The following IQCH variants were observed in gnomAD, a reference collection of about 807,000 sequenced individuals.
The protein encoded by IQCH is IQ motif containing H.
In IQCH, 98 loss-of-function variants were observed where a neutral mutation model predicts 117.0. That is an observed-to-expected ratio of 0.84 (90% CI 0.71 to 0.99). The LOEUF is 0.99. IQCH is among the 50% of genes least tolerant of loss of function. IQCH has a pLI of 0.00. For synonymous variants in IQCH, 412 were observed against 448.2 expected (o/e 0.92, Z 1.02); for missense variants, 1,102 against 1,243.8 (o/e 0.89, Z 1.72).
chr15:67,441,338 T>A (rs2082267280), intron 16 of IQCH, among the ~76,000 whole-genome samples: 1 of 151,858 alleles, frequency 6.6e-6, no homozygotes, highest in Non-Finnish European at 1.5e-5. Flanking sequence ...TTCAATGCAA[T>A]CCCCATCAAA....
At chr15:67,421,994 G>A (rs2081759202) in intron 16 of IQCH, among the ~76,000 whole-genome samples, 1 of 152,036 alleles carries the variant, frequency 6.6e-6, no homozygotes, top group Non-Finnish European at 1.5e-5. Flanking sequence ...AGCTACTTGG[G>A]AGGCTGAGGC....
At chr15:67,398,927 TTG>T (rs954438468) in intron 13 of IQCH, among the ~76,000 whole-genome samples, 25 of 152,296 alleles carry the variant, frequency 1.6e-4, no homozygotes, top group African/African-American at 6.0e-4. Flanking sequence ...AAAAATCGTT[TTG>T]TGAGTTAATG....
In IQCH at chr15:67,422,380, G is replaced by A. The variant is rs75463836; in HGVS notation, c.2505+803G>A. On this transcript the variant is annotated intron_variant, in intron 16 of 20. Transcript: ENST00000335894. The surrounding 1 kb of genome is among the most constrained non-coding windows in gnomAD (Gnocchi z 4.7). ...AGAGATACCTCATAAATATAAAAAG[G>A]TCTAAATAATAATATAATCAATATC... Among the ~76,000 whole-genome samples the A allele has an allele frequency of 0.044, 6,753 of 152,032 alleles. 256 individuals are homozygous for A. Among genetic ancestry groups the A allele is most frequent in the South Asian group, 0.17 (818 of 4,810 alleles).
chr15:67,480,684 G>A (rs2083317083), intron 18 of IQCH, among the ~76,000 whole-genome samples: 1 of 152,270 alleles, frequency 6.6e-6, no homozygotes, highest in Admixed American at 6.5e-5. Flanking sequence ...ACTATTAACG[G>A]AAAGCAGAAG....
Position 67,369,502 on chromosome 15 carries a change from A to G in IQCH, c.754-2609A>G, listed in dbSNP as rs369409521. Among the ~76,000 whole-genome samples the G allele has an allele frequency of 1.4e-5, 2 of 144,924 alleles. No individual in the cohort carries two copies. Among genetic ancestry groups the G allele is most frequent in the Non-Finnish European group, 1.5e-5 (1 of 64,798 alleles). ...GAGAGGAAGGAAGAGAAAAAGAAAAAAGAGAAAGAAGAGAGGGAAGGGGAA... is the reference window on the plus strand; with the variant it reads ...GAGAGGAAGGAAGAGAAAAAGAAAAGAGAGAAAGAAGAGAGGGAAGGGGAA... On this transcript the variant is annotated intron_variant, in intron 8 of 20. Coordinates refer to ENST00000335894, the MANE Select transcript of IQCH (RefSeq NM_001031715.3). The surrounding 1 kb of genome is among the most constrained non-coding windows in gnomAD (Gnocchi z 5.2).
chr15:67,396,051 T>G (rs1284309648), intron 13 of IQCH, among the ~76,000 whole-genome samples: 3 of 152,214 alleles, frequency 2.0e-5, no homozygotes, highest in East Asian at 1.9e-4. Context: ...TCCAAACTAT[T>G]TACTCATTTG....
At chr15:67,328,225 G>A (rs1348362836) in intron 4 of IQCH, among the ~76,000 whole-genome samples, 1 of 151,832 alleles carries the variant, frequency 6.6e-6, no homozygotes, top group Admixed American at 6.6e-5. Flanking sequence ...TCTTTTATAA[G>A]CTGCTCCACC....
At chr15:67,326,923 G>A (rs542121734) in intron 4 of IQCH, among the ~76,000 whole-genome samples, 3 of 152,038 alleles carry the variant, frequency 2.0e-5, no homozygotes, top group African/African-American at 7.2e-5. Context: ...TTTGAACATC[G>A]TTGTCAAAAT....
At chr15:67,478,707 C>T (rs571145818) in intron 18 of IQCH, among the ~76,000 whole-genome samples, 3 of 151,868 alleles carry the variant, frequency 2.0e-5, no homozygotes, top group South Asian at 2.1e-4. Context: ...GGGCAGATCA[C>T]GAGGTCAGGA....
intron 16 of IQCH, among the ~76,000 whole-genome samples, chr15:67,423,651 C>T (rs925097336): frequency 6.7e-6 from 1 of 149,196 alleles, no homozygotes; most frequent in African/African-American, 2.5e-5. Flanking sequence ...GCCTGTAATA[C>T]CAGCATTTTG....
chr15:67,380,560 A>C (rs944796561), intron 10 of IQCH, among the ~76,000 whole-genome samples: 1 of 152,204 alleles, frequency 6.6e-6, no homozygotes, highest in Non-Finnish European at 1.5e-5. Context: ...TGTCTAGATC[A>C]TAGTTCTCTA....
rs369012492 is a variant in IQCH, at chr15:67,453,952, G to A, written c.2506-11175G>A. On this transcript the variant is annotated intron_variant, in intron 16 of 20. Coordinates refer to ENST00000335894, the MANE Select transcript of IQCH (RefSeq NM_001031715.3). The surrounding 1 kb of genome is among the most constrained non-coding windows in gnomAD (Gnocchi z 5.8). Reference sequence around the variant, plus strand: ...TGGCGGGCACCCCTCCCCCAGCCTCGCTGCCGCCTTGCAGTTCGATCTGGG... The same window carrying A: ...TGGCGGGCACCCCTCCCCCAGCCTCACTGCCGCCTTGCAGTTCGATCTGGG... Among the ~76,000 whole-genome samples, 19 of 152,310 alleles carry A rather than the reference G, an allele frequency of 1.2e-4. No homozygotes were observed. The highest frequency in any genetic ancestry group is 7.7e-4 in the East Asian group (4 of 5,182).
At chr15:67,255,126 C>T (rs756879988) in intron 1 of IQCH, 179 bp downstream of exon 1, 12 of 650,194 alleles carry the variant, frequency 1.8e-5, no homozygotes, top group Non-Finnish European at 3.1e-5. Context: ...AGCACACTCC[C>T]GGTGACTTAC....
chr15:67,406,101 G>A lies in IQCH; in HGVS notation c.2097+5796G>A, dbSNP rs1971890017. The A allele has an allele frequency of 6.6e-6, 1 of 152,202 alleles. No individual in the cohort carries two copies. The highest frequency in any genetic ancestry group is 2.1e-4 in the South Asian group (1 of 4,830). The allele number at this position is 152,202 out of a possible 1,614,324, so 9.4% of individuals were successfully genotyped here. A position where few individuals can be genotyped will look rare whatever the true frequency, so the allele number is the denominator to read the frequency against. Reference sequence around the variant, plus strand: ...CCTTTGGTTGTTCATGGGAATGACAGATTTTCAATGCCTTTCTCAATTTAA... The same window carrying A: ...CCTTTGGTTGTTCATGGGAATGACAAATTTTCAATGCCTTTCTCAATTTAA... On this transcript the variant is annotated intron_variant, in intron 14 of 20. Transcript: ENST00000335894. This position sits in a 1 kb window ranked among gnomAD's most constrained non-coding sequence, Gnocchi z 4.5.
intron 16 of IQCH, among the ~76,000 whole-genome samples, chr15:67,464,666 A>G (rs1173423032): frequency 6.6e-6 from 1 of 152,190 alleles, no homozygotes; most frequent in Non-Finnish European, 1.5e-5. Context: ...AGGCTCCCAG[A>G]GGGGCTGTCA....
chr15:67,449,587 T>C (rs1224529091), intron 16 of IQCH, among the ~76,000 whole-genome samples: 1 of 152,192 alleles, frequency 6.6e-6, no homozygotes, highest in Non-Finnish European at 1.5e-5. Context: ...GGTCTATATC[T>C]CTGTTTTGGT....
Position 67,261,255 on chromosome 15 carries a change from A to AT in IQCH, c.52-11dup. The AT allele has an allele frequency of 6.7e-7, 1 of 1,485,008 alleles. No individual in the cohort carries two copies. The highest frequency in any genetic ancestry group is 9.1e-7 in the Non-Finnish European group (1 of 1,102,920). The allele number at this position is 1,485,008 out of a possible 1,614,324, so 92.0% of individuals were successfully genotyped here. The stretch of plus-strand genomic sequence containing the variant: ...TGTGTGGATTATTTCAATATTTTTC[A>AT]TTTTTTATACCTATAGATCCATGAA... On this transcript the variant is annotated splice_polypyrimidine_tract_variant and intron_variant, in intron 1 of 20. Transcript: ENST00000335894.
chr15:67,269,548 A>T (rs374587897), intron 3 of IQCH, among the ~76,000 whole-genome samples: 2 of 152,302 alleles, frequency 1.3e-5, no homozygotes, highest in East Asian at 3.9e-4. Flanking sequence ...TGTTAACTAT[A>T]GTCACCCTAT....
intron 4 of IQCH, among the ~76,000 whole-genome samples, chr15:67,332,888 C>T (rs1177762956): frequency 2.0e-5 from 3 of 152,126 alleles, no homozygotes; most frequent in African/African-American, 4.8e-5. Context: ...AAGTTTTTGT[C>T]CATTTGGGCT....
Sources: allele counts gnomAD v4.1 joint callset (sites outside exome capture counted in the v4.1 genomes callset), GRCh38; gene constraint gnomAD v4.1.1; non-coding constraint Gnocchi (gnomAD v3.1); transcripts MANE v1.5; gene names NCBI Gene and HGNC (gene_info 2026-07-23, HGNC 2026-07-21).